EFHC2: variants seen among roughly 807,000 people sequenced by gnomAD.
EFHC2 encodes EF-hand domain containing 2.
EFHC2 carries 18 observed loss-of-function variants against 52.7 expected under a neutral mutation model. The observed-to-expected ratio is 0.34, with a 90% CI of 0.24 to 0.51. EFHC2 has a LOEUF of 0.51. Among genes scored for constraint, EFHC2 ranks in the 20% least tolerant of loss-of-function variants. EFHC2 has a pLI of 0.97. For synonymous variants in EFHC2, 203 were observed against 204.1 expected, an observed-to-expected ratio of 0.99 and a Z score of 0.04; for missense variants, 513 against 562.5, an observed-to-expected ratio of 0.91 and a Z score of 0.89.
chrX:44,331,300 T>C (rs1007215504), intron 1 of EFHC2, among the ~76,000 whole-genome samples: 1 of 112,145 alleles, frequency 8.9e-6, no homozygotes, highest in East Asian at 2.8e-4. Context: ...TATGACTCCA[T>C]TTATGTAACA....
intron 11 of EFHC2, among the ~76,000 whole-genome samples, chrX:44,216,085 G>A (rs1041691804): frequency 4.5e-4 from 51 of 112,214 alleles, no homozygotes; most frequent in African/African-American, 1.6e-3. Context: ...TAAATACTTC[G>A]TGTGAATGCA....
chrX:44,328,423 CATCTACCTCTGAAGCA>C (rs1197915548), intron 1 of EFHC2, among the ~76,000 whole-genome samples: 7 of 111,524 alleles, frequency 6.3e-5, no homozygotes, highest in African/African-American at 2.0e-4. Context: ...TGCCAGCAGC[CATCTACCTCTGAAGCA>C]AGAGAATAGG....
At chrX:44,199,737 C>T (rs1252356115) in intron 11 of EFHC2, among the ~76,000 whole-genome samples, 1 of 112,124 alleles carries the variant, frequency 8.9e-6, no homozygotes, top group African/African-American at 3.2e-5. Context: ...GTAAGACATA[C>T]TGACATCATG....
chrX:44,177,308 TA>T (rs749036479), intron 12 of EFHC2, among the ~76,000 whole-genome samples: 4 of 111,679 alleles, frequency 3.6e-5, no homozygotes, highest in African/African-American at 9.7e-5. Flanking sequence ...TATGGATTAA[TA>T]AAAAAAATGA....
intron 4 of EFHC2, among the ~76,000 whole-genome samples, chrX:44,256,092 AC>A (rs2037489746): frequency 8.9e-6 from 1 of 112,049 alleles, no homozygotes; most frequent in Non-Finnish European, 1.9e-5. Flanking sequence ...CAAAGACACA[AC>A]ATACCAGAAT....
chrX:44,316,295 C>G (rs754370405), intron 1 of EFHC2, among the ~76,000 whole-genome samples: 58 of 111,995 alleles, frequency 5.2e-4, no homozygotes, highest in Non-Finnish European at 1.0e-3. Flanking sequence ...AGGGTCAGCT[C>G]ACATCCCACT....
intron 11 of EFHC2, among the ~76,000 whole-genome samples, chrX:44,188,194 G>C (rs1278348720): frequency 9.3e-6 from 1 of 107,416 alleles, no homozygotes; most frequent in Non-Finnish European, 1.9e-5. Flanking sequence ...GTTTTGCCCA[G>C]GCTGGTTTCA....
intron 7 of EFHC2, among the ~76,000 whole-genome samples, chrX:44,245,241 T>C (rs908080395): frequency 2.7e-5 from 3 of 111,989 alleles, no homozygotes; most frequent in Non-Finnish European, 3.8e-5. Context: ...TAAAGGTGCT[T>C]TAAGATTTTT....
At chrX:44,163,532 G>GCGGATACC (rs1203812856) in intron 14 of EFHC2, among the ~76,000 whole-genome samples, 2 of 111,888 alleles carry the variant, frequency 1.8e-5, no homozygotes, top group Admixed American at 1.9e-4. Context: ...GTGCACAGCC[G>GCGGATACC]CGGATACCCG....
At chrX:44,340,857 C>T (rs1371401834) in intron 1 of EFHC2, among the ~76,000 whole-genome samples, 1 of 112,060 alleles carries the variant, frequency 8.9e-6, no homozygotes, top group African/African-American at 3.2e-5. Flanking sequence ...ACATAAAATG[C>T]TGTTGGGAAT....
intron 2 of EFHC2, among the ~76,000 whole-genome samples, chrX:44,290,817 G>C (rs2037787740): frequency 8.9e-6 from 1 of 111,764 alleles, no homozygotes; most frequent in African/African-American, 3.3e-5. Context: ...TTCCATCAGA[G>C]AAAAGCCCGA....
intron 12 of EFHC2, 135 bp from the exon 13 acceptor site, chrX:44,176,519 A>T: frequency 2.2e-6 from 1 of 461,278 alleles, no homozygotes; most frequent in Non-Finnish European, 3.5e-6. Flanking sequence ...TTGGTATTGG[A>T]ATTCACAATA....
At chrX:44,231,669 C>T (rs2037278596) in intron 10 of EFHC2, among the ~76,000 whole-genome samples, 1 of 111,589 alleles carries the variant, frequency 9.0e-6, no homozygotes, top group Non-Finnish European at 1.9e-5. Flanking sequence ...TCAATCTTAG[C>T]AACTTAACCC....
At chrX:44,277,281 A>T (rs5952567) in intron 2 of EFHC2, among the ~76,000 whole-genome samples, 2 of 102,475 alleles carry the variant, frequency 2.0e-5, no homozygotes, top group South Asian at 8.2e-4. Flanking sequence ...AAAAAAAAAA[A>T]TCTTACAGCT....
intron 14 of EFHC2, among the ~76,000 whole-genome samples, chrX:44,150,727 C>T (rs978593198): frequency 1.3e-4 from 14 of 111,291 alleles, no homozygotes; most frequent in African/African-American, 3.9e-4. Context: ...TGCAGGAGAA[C>T]ATGAAATAGC....
intron 1 of EFHC2, among the ~76,000 whole-genome samples, chrX:44,337,279 G>A (rs1042021159): frequency 6.3e-5 from 7 of 111,354 alleles, no homozygotes; most frequent in Non-Finnish European, 9.4e-5. Flanking sequence ...AAAAAAGCTG[G>A]TAAAAAGTCC....
At position 44,248,413 on chromosome X, in the gene EFHC2, A is replaced by G; in HGVS notation, c.973-3T>C. On this transcript the variant is annotated splice_polypyrimidine_tract_variant and splice_region_variant and intron_variant, in intron 6 of 14. Transcript: ENST00000420999. ...AACTCTTGGTCTACTTTTCCTAGCT[A>G]AAAAAGACAAAGGAACATAGCATTG... The G allele has an allele frequency of 2.5e-6, 3 of 1,189,093 alleles. No homozygotes were observed. The highest frequency in any genetic ancestry group is 3.4e-6 in the Non-Finnish European group (3 of 883,231).
At chrX:44,215,830 A>C (rs769021928) in intron 11 of EFHC2, among the ~76,000 whole-genome samples, 2 of 111,889 alleles carry the variant, frequency 1.8e-5, no homozygotes, top group South Asian at 7.5e-4. Context: ...TTGCAGATGG[A>C]AGACACAAGT....
intron 9 of EFHC2, among the ~76,000 whole-genome samples, chrX:44,233,987 G>T (rs2037298965): frequency 9.0e-6 from 1 of 111,572 alleles, no homozygotes; most frequent in African/African-American, 3.3e-5. Flanking sequence ...TGCAGTCTAA[G>T]ACTCCCTCTT....
Sources: allele counts gnomAD v4.1 joint callset (sites outside exome capture counted in the v4.1 genomes callset), GRCh38; gene constraint gnomAD v4.1.1; transcripts MANE v1.5; gene names NCBI Gene and HGNC (gene_info 2026-07-23, HGNC 2026-07-21).